Variants in MALL observed in about 807,000 individuals in gnomAD.
The protein encoded by MALL is MAL-like protein.
A neutral mutation model predicts 10.3 loss-of-function variants in MALL; 2 were observed. That is an observed-to-expected ratio of 0.19 (90% CI 0.08 to 0.61). The LOEUF (loss-of-function observed/expected upper bound fraction) is 0.61. Among genes scored for constraint, MALL ranks in the 20% least tolerant of loss-of-function variants. The pLI, the probability that MALL is intolerant of heterozygous loss-of-function variation, is 0.88. For missense variants in MALL, 39 were observed against 115.2 expected (o/e 0.34, Z 3.03); for synonymous variants, 27 against 51.8 (o/e 0.52, Z 2.05).
upstream of MALL, among the ~76,000 whole-genome samples, chr2:110,116,928 A>C (rs544073081): frequency 6.6e-6 from 1 of 152,284 alleles, no homozygotes; most frequent in South Asian, 2.1e-4. Flanking sequence ...TGATCTCATT[A>C]GCAGAAACGG....
At chr2:110,115,060 C>A (rs897971945) in intron 1 of MALL, among the ~76,000 whole-genome samples, 2 of 152,076 alleles carry the variant, frequency 1.3e-5, no homozygotes, top group African/African-American at 4.8e-5. Context: ...TTCTCATTTG[C>A]AACCAGGGTG....
chr2:110,102,636 C>T (rs898980717), intron 1 of MALL, among the ~76,000 whole-genome samples: 3 of 152,212 alleles, frequency 2.0e-5, no homozygotes, highest in African/African-American at 2.4e-5. Flanking sequence ...GGCCTAGCCA[C>T]AGACCGGCAT....
At chr2:110,117,644 A>C (rs959625644), upstream of MALL, among the ~76,000 whole-genome samples, 2 of 151,318 alleles carry the variant, frequency 1.3e-5, no homozygotes, top group African/African-American at 4.9e-5. Flanking sequence ...AGAGAGAGAG[A>C]GAGAGAGAGA....
chr2:110,105,965 T>C (rs1678678392), intron 1 of MALL, among the ~76,000 whole-genome samples: 1 of 152,178 alleles, frequency 6.6e-6, no homozygotes, highest in Non-Finnish European at 1.5e-5. Flanking sequence ...TACAATGAAC[T>C]TGCCGAACTG....
chr2:110,109,806 G>A lies in MALL; in HGVS notation c.105+5882C>T, dbSNP rs549675975. On this transcript the variant is annotated intron_variant, in intron 1 of 3. Coordinates refer to ENST00000272462, the MANE Select transcript of MALL (RefSeq NM_005434.5). ...AGCACATGGAACTTTCTCTAAGATAGACCATATGCTAGACCATAAAATGAG... is the reference window on the plus strand; with the variant it reads ...AGCACATGGAACTTTCTCTAAGATAAACCATATGCTAGACCATAAAATGAG... Among the ~76,000 whole-genome samples the A allele has an allele frequency of 4.6e-5, 7 of 152,252 alleles. No homozygotes were observed. The East Asian group carries it at 1.3e-3, about 29-fold the overall frequency.
At chr2:110,112,304 G>A (rs984357250) in intron 1 of MALL, among the ~76,000 whole-genome samples, 27 of 152,166 alleles carry the variant, frequency 1.8e-4, no homozygotes, top group African/African-American at 6.5e-4. Flanking sequence ...ATAACCCACA[G>A]AGTGGGAGAA....
intron 1 of MALL, among the ~76,000 whole-genome samples, chr2:110,096,182 G>GC (rs1240919885): frequency 2.0e-5 from 3 of 152,234 alleles, no homozygotes; most frequent in East Asian, 1.9e-4. Context: ...CTGGGGTCCT[G>GC]CCCCAGAGAG....
chr2:110,108,139 C>T (rs571548616), intron 1 of MALL, among the ~76,000 whole-genome samples: 1 of 152,046 alleles, frequency 6.6e-6, no homozygotes. Context: ...TTCAATACCC[C>T]CCAAAATCAC....
chr2:110,113,222 G>A (rs1343979132), intron 1 of MALL, among the ~76,000 whole-genome samples: 1 of 151,314 alleles, frequency 6.6e-6, no homozygotes, highest in African/African-American at 2.4e-5. Context: ...CGGATCACGA[G>A]GTCAGGAGTT....
At chr2:110,108,237 A>C (rs1187089428) in intron 1 of MALL, among the ~76,000 whole-genome samples, 2 of 152,202 alleles carry the variant, frequency 1.3e-5, no homozygotes, top group Non-Finnish European at 2.9e-5. Context: ...TAAGCTAATC[A>C]GGGAGGGACC....
intron 1 of MALL, among the ~76,000 whole-genome samples, chr2:110,107,428 C>T (rs890445721): frequency 6.6e-6 from 1 of 152,108 alleles, no homozygotes; most frequent in African/African-American, 2.4e-5. Flanking sequence ...CTTTCCCCCA[C>T]TTCCCTGACA....
intron 1 of MALL, among the ~76,000 whole-genome samples, chr2:110,114,385 G>T (rs1678865783): frequency 6.6e-6 from 1 of 151,980 alleles, no homozygotes; most frequent in African/African-American, 2.4e-5. Flanking sequence ...TTGCAGGACT[G>T]ACATGAACCA....
At chr2:110,099,881 G>A (rs375392653) in intron 1 of MALL, among the ~76,000 whole-genome samples, 7 of 152,166 alleles carry the variant, frequency 4.6e-5, no homozygotes, top group East Asian at 1.9e-4. Context: ...GACCCAGATC[G>A]CAGGACACGA....
intron 1 of MALL, among the ~76,000 whole-genome samples, chr2:110,092,743 T>A (rs1360995464): frequency 5.5e-5 from 7 of 126,910 alleles, no homozygotes; most frequent in Admixed American, 4.8e-4. Context: ...AATAAAGAAA[T>A]GCTTCTCTAT....
chr2:110,105,886 T>C (rs1678676811), intron 1 of MALL, among the ~76,000 whole-genome samples: 3 of 152,146 alleles, frequency 2.0e-5, no homozygotes, highest in Admixed American at 2.0e-4. Context: ...AGACAGGCTC[T>C]TCCATATAAA....
intron 1 of MALL, among the ~76,000 whole-genome samples, chr2:110,111,781 A>T (rs1294458206): frequency 6.6e-6 from 1 of 152,120 alleles, no homozygotes; most frequent in Non-Finnish European, 1.5e-5. Flanking sequence ...CCAAAGCAAG[A>T]CTAAGCAAAA....
chr2:110,093,079 GTCTTCGGCAT>G (rs1381687072), intron 1 of MALL, among the ~76,000 whole-genome samples: 1 of 13,332 alleles, frequency 7.5e-5, no homozygotes, highest in African/African-American at 1.1e-4. Context: ...TCTTCACTCT[GTCTTCGGCAT>G]TCTGCAGTTT....
chr2:110,115,186 A>G (rs1418752444), intron 1 of MALL, among the ~76,000 whole-genome samples: 1 of 152,138 alleles, frequency 6.6e-6, no homozygotes, highest in Non-Finnish European at 1.5e-5. Context: ...TGGAAGACCT[A>G]CTCTCAGAGG....
At chr2:110,100,819 G>C (rs1284991950) in intron 1 of MALL, among the ~76,000 whole-genome samples, 1 of 152,198 alleles carries the variant, frequency 6.6e-6, no homozygotes, top group East Asian at 1.9e-4. Context: ...CTGGGTGGGA[G>C]TGGGAGCCGC....
Sources: gnomAD v4.1 joint callset for allele counts (sites outside exome capture counted in the v4.1 genomes callset) on GRCh38, gnomAD v4.1.1 for gene constraint, MANE v1.5 for transcripts, NCBI Gene and HGNC (gene_info 2026-07-23, HGNC 2026-07-21) for gene names.